NF1: variants seen among roughly 807,000 people sequenced by gnomAD.
NF1 encodes the protein neurofibromin 1, also known as neurofibromin.
Under a neutral mutation model 325.7 loss-of-function variants are expected in NF1, and 122 were observed. The observed-to-expected ratio is 0.37, with a 90% CI of 0.32 to 0.44. The LOEUF is 0.44. NF1 is among the 20% of genes least tolerant of loss of function. The probability of loss-of-function intolerance (pLI) is 1.00; values close to 1 mark genes in which losing one functional copy is unlikely to be tolerated. For synonymous variants in NF1, 1,091 were observed against 1,186.0 expected (o/e 0.92, Z 1.65); for missense variants, 2,140 against 3,415.4 (o/e 0.63, Z 9.31).
chr17:31,142,278 A>G (rs1434050240), intron 1 of NF1, among the ~76,000 whole-genome samples: 3 of 152,220 alleles, frequency 2.0e-5, no homozygotes, highest in African/African-American at 7.2e-5. Flanking sequence ...ATTATACCCA[A>G]AGATTTCTAT....
rs1464158098 is a variant in NF1 at position 31,376,755 on chromosome 17, A to G, written c.*2600A>G. On this transcript the variant is annotated 3_prime_UTR_variant, in exon 58 of 58. Coordinates refer to ENST00000358273, the MANE Select transcript of NF1 (RefSeq NM_001042492.3). ...TTGTAGATGTTTCCCCTGACTTGTT[A>G]AAGAGGAAACCAGGAACTCAGTCAT... is the stretch of plus-strand genomic sequence containing the variant. 4.3e-6 allele frequency: 1 copy of G among 233,240 alleles called. No individual in the cohort carries two copies. The highest frequency in any genetic ancestry group is 6.0e-5 in the East Asian group (1 of 16,594). The allele number at this position is 233,240 out of a possible 1,614,324, so 14.4% of individuals were successfully genotyped here. A position where few individuals can be genotyped will look rare whatever the true frequency, so the allele number is the denominator to read the frequency against.
At chr17:31,231,795 C>T (rs2067116768) in intron 24 of NF1, among the ~76,000 whole-genome samples, 1 of 151,994 alleles carries the variant, frequency 6.6e-6, no homozygotes, top group Non-Finnish European at 1.5e-5. Flanking sequence ...CTCACTGATA[C>T]AGAGGGCCCA....
At chr17:31,283,184 G>A (rs1322776311) in intron 36 of NF1, among the ~76,000 whole-genome samples, 1 of 152,202 alleles carries the variant, frequency 6.6e-6, no homozygotes, top group African/African-American at 2.4e-5. Flanking sequence ...TTGGGAGGCC[G>A]AGGCGGGCGG....
At chr17:31,126,223 T>G (rs554644065) in intron 1 of NF1, among the ~76,000 whole-genome samples, 2 of 152,226 alleles carry the variant, frequency 1.3e-5, no homozygotes, top group African/African-American at 4.8e-5. Flanking sequence ...ATCTGGTGGG[T>G]AAGAAATGTT....
chr17:31,235,848 C>T (rs2151438302), intron 28 of NF1, 70 bp from the exon 29 acceptor site: 4 of 1,609,026 alleles, frequency 2.5e-6, no homozygotes, highest in South Asian at 1.1e-5. Flanking sequence ...ATGTGCAGGG[C>T]TGATTGTCTT....
chr17:31,225,332 G>T, intron 17 of NF1, 82 bp downstream of exon 17: 10 of 1,436,448 alleles, frequency 7.0e-6, no homozygotes, highest in Non-Finnish European at 8.8e-6. Flanking sequence ...TTTCATCTAG[G>T]TAATATAGTG....
intron 29 of NF1, among the ~76,000 whole-genome samples, chr17:31,238,197 C>A (rs1185424588): frequency 6.6e-6 from 1 of 152,036 alleles, no homozygotes; most frequent in Non-Finnish European, 1.5e-5. Context: ...GACCCCTGCA[C>A]CTTTGTAAGT....
At chr17:31,318,916 G>C (rs752090884) in intron 36 of NF1, 1 of 1,613,998 alleles carries the variant, frequency 6.2e-7, no homozygotes, top group South Asian at 1.1e-5. Flanking sequence ...CCACAGACGG[G>C]TATAGTTTGC....
At chr17:31,337,272 G>A in intron 42 of NF1, 96 bp from the exon 43 acceptor site, 1 of 955,598 alleles carries the variant, frequency 1.0e-6, no homozygotes, top group Non-Finnish European at 1.6e-6. Context: ...ATTTTTATAT[G>A]GTATTCAAAT....
intron 29 of NF1, among the ~76,000 whole-genome samples, chr17:31,237,921 G>A (rs1389597881): frequency 6.6e-6 from 1 of 152,066 alleles, no homozygotes; most frequent in East Asian, 1.9e-4. Flanking sequence ...CATGTCAAGA[G>A]CTTGAAAGTC....
At chr17:31,359,616 C>G (rs1482893571) in intron 56 of NF1, 4 of 154,714 alleles carry the variant, frequency 2.6e-5, no homozygotes, top group Admixed American at 6.4e-5. Flanking sequence ...TGCAGCACCA[C>G]GCCCAGCTAA....
intron 36 of NF1, among the ~76,000 whole-genome samples, chr17:31,287,814 C>T (rs2068264862): frequency 6.6e-6 from 1 of 151,640 alleles, no homozygotes; most frequent in African/African-American, 2.4e-5. Context: ...GCTGGGATTA[C>T]AGGCATGAGC....
At chr17:31,124,814 G>A (rs1249318956) in intron 1 of NF1, among the ~76,000 whole-genome samples, 7 of 150,742 alleles carry the variant, frequency 4.6e-5, no homozygotes, top group Non-Finnish European at 1.0e-4. Context: ...TGTTAGCCAG[G>A]ATGGTCTCGA....
At chr17:31,112,863 G>A (rs910444446) in intron 1 of NF1, among the ~76,000 whole-genome samples, 2 of 152,148 alleles carry the variant, frequency 1.3e-5, no homozygotes, top group African/African-American at 2.4e-5. Context: ...TCTGTTTTCT[G>A]TAGAAATTTA....
chr17:31,280,907 T>C (rs764376622), intron 36 of NF1, among the ~76,000 whole-genome samples: 5 of 152,040 alleles, frequency 3.3e-5, no homozygotes, highest in African/African-American at 4.8e-5. Flanking sequence ...CTTTTTTTTC[T>C]TAAAGGAAAG....
chr17:31,295,220 G>T, intron 36 of NF1: 1 of 1,614,136 alleles, frequency 6.2e-7, no homozygotes, highest in Non-Finnish European at 8.5e-7. Flanking sequence ...GGATGATTTT[G>T]TTGAGCTAGT....
At chr17:31,157,358 A>C (rs1407654148) in intron 2 of NF1, among the ~76,000 whole-genome samples, 1 of 152,132 alleles carries the variant, frequency 6.6e-6, no homozygotes, top group African/African-American at 2.4e-5. Flanking sequence ...TAGATTGTGA[A>C]GATTGTTCCC....
intron 1 of NF1, among the ~76,000 whole-genome samples, chr17:31,095,955 A>G (rs1022949451): frequency 4.6e-5 from 7 of 152,188 alleles, no homozygotes; most frequent in African/African-American, 1.7e-4. Context: ...TTTCTGCTCC[A>G]TCGTCTCATC....
chr17:31,286,330 G>A (rs764804423), intron 36 of NF1, among the ~76,000 whole-genome samples: 1 of 152,142 alleles, frequency 6.6e-6, no homozygotes, highest in Non-Finnish European at 1.5e-5. Context: ...CCTGACCTCA[G>A]GTAATCTGCC....
Sources: gnomAD v4.1 joint callset for allele counts (sites outside exome capture counted in the v4.1 genomes callset) on GRCh38, gnomAD v4.1.1 for gene constraint, MANE v1.5 for transcripts, NCBI Gene and HGNC (gene_info 2026-07-23, HGNC 2026-07-21) for gene names.